The following ZNF609 variants were observed in gnomAD, a reference collection of about 807,000 sequenced individuals.
The protein encoded by ZNF609 is zinc finger protein 609.
Under a neutral mutation model 109.5 loss-of-function variants are expected in ZNF609, and 11 were observed. The ratio of observed to expected loss-of-function variants is 0.10; its 90% CI spans 0.06 to 0.17. ZNF609 has a LOEUF of 0.17. Among genes scored for constraint, ZNF609 ranks in the 10% least tolerant of loss-of-function variants. The pLI is 1.00. For synonymous variants in ZNF609, 646 were observed against 662.0 expected (o/e 0.98, Z 0.37); for missense variants, 1,559 against 1,772.4 (o/e 0.88, Z 2.16).
chr15:64,525,132 CT>C (rs1369814197), intron 2 of ZNF609, among the ~76,000 whole-genome samples: 1 of 152,024 alleles, frequency 6.6e-6, no homozygotes, highest in Non-Finnish European at 1.5e-5. Context: ...ATATCTGATT[CT>C]TTGTCAATAT....
intron 3 of ZNF609, among the ~76,000 whole-genome samples, chr15:64,655,413 A>C (rs1304328276): frequency 6.6e-6 from 1 of 151,952 alleles, no homozygotes; most frequent in Non-Finnish European, 1.5e-5. Flanking sequence ...TCCAGCCAGG[A>C]CAACAAGAGC....
chr15:64,679,757 T>C (rs1255273842), intron 6 of ZNF609, among the ~76,000 whole-genome samples: 1 of 152,218 alleles, frequency 6.6e-6, no homozygotes, highest in East Asian at 1.9e-4. Context: ...GTAATAAGTA[T>C]TGATATCTTC....
chr15:64,633,036 A>C (rs889996460), intron 3 of ZNF609, among the ~76,000 whole-genome samples: 5 of 151,756 alleles, frequency 3.3e-5, no homozygotes, highest in African/African-American at 4.8e-5. Flanking sequence ...GTCCTGCCTC[A>C]GCCTCACAAA....
intron 2 of ZNF609, among the ~76,000 whole-genome samples, chr15:64,576,822 C>CAAAA (rs57802165): frequency 2.6e-4 from 21 of 79,908 alleles, no homozygotes; most frequent in African/African-American, 8.0e-4. Context: ...GACTCCATCT[C>CAAAA]AAAAAAAAAA....
At chr15:64,568,309 C>T (rs1401708771) in intron 2 of ZNF609, among the ~76,000 whole-genome samples, 2 of 152,154 alleles carry the variant, frequency 1.3e-5, no homozygotes, top group African/African-American at 4.8e-5. Context: ...ACTCCAGTAA[C>T]CCTACACCCC....
chr15:64,629,398 GATTTA>G (rs1896027590), intron 3 of ZNF609, among the ~76,000 whole-genome samples: 1 of 152,156 alleles, frequency 6.6e-6, no homozygotes, highest in Non-Finnish European at 1.5e-5. Context: ...CTATAATAAT[GATTTA>G]ATATAAGAGA....
chr15:64,659,007 C>T (rs1213561094), intron 3 of ZNF609, among the ~76,000 whole-genome samples: 2 of 151,912 alleles, frequency 1.3e-5, no homozygotes, highest in African/African-American at 2.4e-5. Context: ...GTTGGCCAGG[C>T]TAGTGTCCAA....
intron 2 of ZNF609, among the ~76,000 whole-genome samples, chr15:64,522,081 C>G (rs149130450): frequency 1.2e-4 from 19 of 152,330 alleles, no homozygotes; most frequent in African/African-American, 4.3e-4. Flanking sequence ...GCATTGTTAT[C>G]TCTAATGCCC....
intron 2 of ZNF609, among the ~76,000 whole-genome samples, chr15:64,526,352 T>G (rs1318167398): frequency 3.3e-5 from 5 of 152,144 alleles, no homozygotes; most frequent in Non-Finnish European, 2.9e-5. Context: ...TTTTTGTGCA[T>G]TCCTTAGGAT....
At chr15:64,653,529 C>T (rs901538428) in intron 3 of ZNF609, among the ~76,000 whole-genome samples, 5 of 152,124 alleles carry the variant, frequency 3.3e-5, no homozygotes, top group Admixed American at 6.6e-5. Context: ...GCCTGTAGTC[C>T]CAGCTACTTG....
At chr15:64,641,234 TGAGA>T (rs1567037039) in intron 3 of ZNF609, among the ~76,000 whole-genome samples, 3 of 140,822 alleles carry the variant, frequency 2.1e-5, no homozygotes, top group Non-Finnish European at 1.5e-5. Context: ...TTTTTTTTTT[TGAGA>T]TGGAGTTTCG....
At chr15:64,607,893 TTC>T (rs1271894552) in intron 2 of ZNF609, among the ~76,000 whole-genome samples, 1 of 11,884 alleles carries the variant, frequency 8.4e-5, no homozygotes, top group African/African-American at 1.5e-4. Context: ...TTTCTTTTCT[TTC>T]TTTTTTTTTT....
rs145659025 is a variant in ZNF609, at chr15:64,492,528, G to A, written c.-127-6765G>A. Among the ~76,000 whole-genome samples the A allele has an allele frequency of 4.7e-4, 72 of 152,082 alleles. 2 individuals carry two copies. The East Asian group carries it at 0.014, about 29-fold the overall frequency. On this transcript the variant is annotated intron_variant, in intron 1 of 9. Coordinates refer to ENST00000326648, the MANE Select transcript of ZNF609 (RefSeq NM_015042.2). Reference sequence around the variant, plus strand: ...AAGAGTAGTTGGGTCATATATTTTCGAGTTGTCTTCTTTTTATTTTTATTT... The same window carrying A: ...AAGAGTAGTTGGGTCATATATTTTCAAGTTGTCTTCTTTTTATTTTTATTT...
At chr15:64,569,703 C>A (rs765147228) in intron 2 of ZNF609, among the ~76,000 whole-genome samples, 30 of 152,390 alleles carry the variant, frequency 2.0e-4, no homozygotes, top group Middle Eastern at 6.8e-3. Context: ...TGTCTTAGCA[C>A]TTCTCCTTCT....
chr15:64,660,528 C>A lies in ZNF609; in HGVS notation c.974-9818C>A, dbSNP rs187787027. Among the ~76,000 whole-genome samples, 4 of 152,310 alleles carry A rather than the reference C, an allele frequency of 2.6e-5. No homozygotes were observed. The East Asian group carries it at 7.7e-4, about 29-fold the overall frequency. On this transcript the variant is annotated intron_variant, in intron 3 of 9. Transcript: ENST00000326648. Reference sequence around the variant, plus strand: ...TACTATAAGAGTTGAGAAGTTATGACGGAGACTGTGTGGCCTGCAAAGCTT... The same window carrying A: ...TACTATAAGAGTTGAGAAGTTATGAAGGAGACTGTGTGGCCTGCAAAGCTT...
chr15:64,628,888 G>T (rs140732688), intron 3 of ZNF609, among the ~76,000 whole-genome samples: 80 of 152,070 alleles, frequency 5.3e-4, no homozygotes, highest in African/African-American at 1.7e-3. Flanking sequence ...GCCTTCCAAA[G>T]TGCTGGGATT....
At position 64,497,158 on chromosome 15, in the gene ZNF609, G is replaced by A. The variant is rs115116069; in HGVS notation, c.-127-2135G>A. Among the ~76,000 whole-genome samples the A allele has an allele frequency of 3.4e-3, 524 of 152,188 alleles. 2 individuals carry two copies. Among genetic ancestry groups the A allele is most frequent in the African/African-American group, 0.012 (512 of 41,540 alleles). On this transcript the variant is annotated intron_variant, in intron 1 of 9. Coordinates refer to ENST00000326648, the MANE Select transcript of ZNF609 (RefSeq NM_015042.2). ...AGAGATTATGTTTCCTTTACCTTGT[G>A]AGTAACTTTTTTCATAGTTTGTACA... is the stretch of plus-strand genomic sequence containing the variant.
At chr15:64,629,315 T>G (rs1896026174) in intron 3 of ZNF609, among the ~76,000 whole-genome samples, 1 of 152,102 alleles carries the variant, frequency 6.6e-6, no homozygotes, top group Non-Finnish European at 1.5e-5. Flanking sequence ...ATTTACTGTG[T>G]GTGTCATAGT....
At chr15:64,673,881 T>C in intron 4 of ZNF609, 35 bp from the exon 5 acceptor site, 1 of 1,574,030 alleles carries the variant, frequency 6.4e-7, no homozygotes, top group Non-Finnish European at 8.6e-7. Flanking sequence ...TTTTCTCTTC[T>C]TAATAATATT....
Sources: allele counts gnomAD v4.1 joint callset (sites outside exome capture counted in the v4.1 genomes callset), GRCh38; gene constraint gnomAD v4.1.1; transcripts MANE v1.5; gene names NCBI Gene and HGNC (gene_info 2026-07-23, HGNC 2026-07-21).